Variants in PARVA observed in about 807,000 individuals in gnomAD.
The protein encoded by PARVA is parvin alpha.
In PARVA, 25 loss-of-function variants were observed where a neutral mutation model predicts 52.6. That is an observed-to-expected ratio of 0.48 (90% confidence interval 0.35 to 0.66). The LOEUF is 0.66. PARVA is among the 30% of genes least tolerant of loss of function. PARVA has a pLI of 0.01. For missense variants in PARVA, 373 were observed against 450.9 expected (o/e 0.83, Z 1.56); for synonymous variants, 185 against 179.1 (o/e 1.03, Z -0.26).
At chr11:12,395,480 A>G (rs531226527) in intron 1 of PARVA, among the ~76,000 whole-genome samples, 1 of 152,300 alleles carries the variant, frequency 6.6e-6, no homozygotes, top group South Asian at 2.1e-4. Flanking sequence ...CGGAGCCTCT[A>G]AAAGTTAGAA....
intron 3 of PARVA, among the ~76,000 whole-genome samples, chr11:12,475,315 C>A (rs1319491576): frequency 6.6e-6 from 1 of 152,206 alleles, no homozygotes; most frequent in Non-Finnish European, 1.5e-5. Flanking sequence ...AACTCTAGTG[C>A]CATGGCTCAA....
At position 12,474,002 on chromosome 11, in the gene PARVA, C is replaced by G; in HGVS notation, c.297+19C>G. ...GATGAAGGTAAGAAGAAATCAGGAG[C>G]GGCTTCAGGTGCCTCACTGACCCAC... On this transcript the variant is annotated intron_variant, in intron 3 of 12. Transcript: ENST00000334956. The G allele has an allele frequency of 6.4e-7, 1 of 1,556,374 alleles. No individual in the cohort carries two copies. The highest frequency in any genetic ancestry group is 8.7e-7 in the Non-Finnish European group (1 of 1,148,476).
At position 12,532,616 on chromosome 11, in the gene PARVA, G is replaced by A. The variant is rs1941785979; in HGVS notation, c.*4691G>A. ...ACGTTAGTTACAAATTGTGACTGTCGCGATGGAGAAGTACTAAAATCTATG... is the reference window on the plus strand; with the variant it reads ...ACGTTAGTTACAAATTGTGACTGTCACGATGGAGAAGTACTAAAATCTATG... On this transcript the variant is annotated 3_prime_UTR_variant, in exon 13 of 13. Transcript: ENST00000334956. Among the ~76,000 whole-genome samples the A allele has an allele frequency of 6.6e-6, 1 of 152,188 alleles. No homozygotes were observed. The highest frequency in any genetic ancestry group is 1.5e-5 in the Non-Finnish European group (1 of 68,040).
rs1941615927 is a variant in PARVA, at chr11:12,519,894, A to T, written c.1042+1377A>T. Among the ~76,000 whole-genome samples, 6 of 152,258 alleles carry T rather than the reference A, an allele frequency of 3.9e-5. No homozygotes were observed. The South Asian group carries it at 8.3e-4, about 21-fold the overall frequency. On this transcript the variant is annotated intron_variant, in intron 12 of 12. Coordinates refer to ENST00000334956, the MANE Select transcript of PARVA (RefSeq NM_018222.5). Reference sequence around the variant, plus strand: ...TTGGCAAGGCCACTCCAGCCTTCCTAATGCCATTAGGAATGGACTCTTCTT... The same window carrying T: ...TTGGCAAGGCCACTCCAGCCTTCCTTATGCCATTAGGAATGGACTCTTCTT...
At chr11:12,521,558 A>G (rs544283594) in intron 12 of PARVA, among the ~76,000 whole-genome samples, 1 of 152,314 alleles carries the variant, frequency 6.6e-6, no homozygotes, top group East Asian at 1.9e-4. Context: ...TGTGGTCTCC[A>G]CCCCTGGCCA....
At chr11:12,377,433 C>A, upstream of PARVA, 1 of 1,376,772 alleles carries the variant, frequency 7.3e-7, no homozygotes, top group Non-Finnish European at 9.3e-7. Flanking sequence ...AGGCGCGGCC[C>A]CGGGAGCGCA....
intron 1 of PARVA, among the ~76,000 whole-genome samples, chr11:12,403,745 A>G (rs1319503580): frequency 2.0e-5 from 3 of 152,238 alleles, no homozygotes; most frequent in Non-Finnish European, 4.4e-5. Flanking sequence ...GTCTAGGGTT[A>G]GTTTAGTTTC....
chr11:12,391,235 C>A (rs139631172), intron 1 of PARVA, among the ~76,000 whole-genome samples: 1 of 152,274 alleles, frequency 6.6e-6, no homozygotes, highest in East Asian at 1.9e-4. Flanking sequence ...TGGGACCTGA[C>A]GCTTCAATAA....
intron 1 of PARVA, among the ~76,000 whole-genome samples, chr11:12,434,477 C>G (rs1940360166): frequency 6.6e-6 from 1 of 152,194 alleles, no homozygotes; most frequent in Non-Finnish European, 1.5e-5. Flanking sequence ...TGACCTGTCT[C>G]CCAGCCTTGG....
At chr11:12,424,433 G>A (rs1056969016) in intron 1 of PARVA, among the ~76,000 whole-genome samples, 1 of 152,172 alleles carries the variant, frequency 6.6e-6, no homozygotes, top group African/African-American at 2.4e-5. Context: ...TTTGCAAAGT[G>A]AAGTCTCTAA....
At position 12,405,513 on chromosome 11, in the gene PARVA, G is replaced by A. The variant is rs190614893; in HGVS notation, c.136+27730G>A. Among the ~76,000 whole-genome samples the A allele has an allele frequency of 9.2e-5, 14 of 152,220 alleles. 1 individual carries two copies. In the South Asian group the frequency reaches 2.5e-3, roughly 27 times the overall value. On this transcript the variant is annotated intron_variant, in intron 1 of 12. Coordinates refer to ENST00000334956, the MANE Select transcript of PARVA (RefSeq NM_018222.5). ...CTGGAGGTCAAGGCTGCAGTGAGCC[G>A]TGAGTCCACCACTGAACTCCAGCCT... is the stretch of plus-strand genomic sequence containing the variant.
At chr11:12,509,081 T>G (rs1589985498) in intron 7 of PARVA, among the ~76,000 whole-genome samples, 1 of 126,320 alleles carries the variant, frequency 7.9e-6, no homozygotes, top group African/African-American at 2.7e-5. Context: ...GGTGGTTTTT[T>G]TTTTTTTTTT....
chr11:12,431,155 A>T (rs1167641242), intron 1 of PARVA, among the ~76,000 whole-genome samples: 1 of 152,124 alleles, frequency 6.6e-6, no homozygotes, highest in Non-Finnish European at 1.5e-5. Flanking sequence ...TGATCCCCCA[A>T]TACCCCTGCC....
Position 12,422,938 on chromosome 11 carries a change from C to A in PARVA, c.136+45155C>A, listed in dbSNP as rs564741281. Among the ~76,000 whole-genome samples the A allele has an allele frequency of 5.9e-5, 9 of 152,254 alleles. No individual in the cohort carries two copies. In the South Asian group the frequency reaches 1.7e-3, roughly 28 times the overall value. ...TGGCACAATCTCAGCTCACTGCAAC[C>A]TCCACCTCCCGGTTCAAGCAATTCT... is the stretch of plus-strand genomic sequence containing the variant. On this transcript the variant is annotated intron_variant, in intron 1 of 12. Coordinates refer to ENST00000334956, the MANE Select transcript of PARVA (RefSeq NM_018222.5).
intron 6 of PARVA, among the ~76,000 whole-genome samples, chr11:12,507,272 T>C (rs1029271384): frequency 2.6e-5 from 4 of 152,200 alleles, no homozygotes; most frequent in African/African-American, 9.6e-5. Context: ...CACGCTCATC[T>C]CAGCCTTGGG....
chr11:12,444,371 TACTC>T (rs1007498930), intron 1 of PARVA, among the ~76,000 whole-genome samples: 2 of 152,170 alleles, frequency 1.3e-5, no homozygotes, highest in Admixed American at 6.5e-5. Flanking sequence ...AGACAATTAA[TACTC>T]ACTAATTCAT....
intron 10 of PARVA, among the ~76,000 whole-genome samples, chr11:12,517,332 G>A (rs1356538457): frequency 1.4e-4 from 4 of 27,930 alleles, no homozygotes; most frequent in African/African-American, 7.8e-4. Flanking sequence ...CCCCCACCAT[G>A]CTCTGGTCCC....
At chr11:12,424,128 A>G (rs1307686503) in intron 1 of PARVA, among the ~76,000 whole-genome samples, 1 of 152,104 alleles carries the variant, frequency 6.6e-6, no homozygotes. Context: ...TTCCCATTAT[A>G]ATTGTATTAT....
At chr11:12,429,232 C>T (rs1212685779) in intron 1 of PARVA, among the ~76,000 whole-genome samples, 1 of 152,204 alleles carries the variant, frequency 6.6e-6, no homozygotes, top group Non-Finnish European at 1.5e-5. Context: ...CCTCCCACCT[C>T]TGCCTCCCTG....
Sources: gnomAD v4.1 joint callset for allele counts (sites outside exome capture counted in the v4.1 genomes callset) on GRCh38, gnomAD v4.1.1 for gene constraint, MANE v1.5 for transcripts, NCBI Gene and HGNC (gene_info 2026-07-23, HGNC 2026-07-21) for gene names.